Variants in ADCY2 observed in about 807,000 individuals in gnomAD.
ADCY2 encodes adenylate cyclase 2.
ADCY2 carries 31 observed loss-of-function variants against 125.2 expected under a neutral mutation model. That is an observed-to-expected ratio of 0.25 (90% CI 0.19 to 0.33). The LOEUF (loss-of-function observed/expected upper bound fraction) is 0.33. ADCY2 is among the 10% of genes least tolerant of loss of function. The pLI, the probability that ADCY2 is intolerant of heterozygous loss-of-function variation, is 1.00. For synonymous variants in ADCY2, 512 were observed against 548.4 expected (o/e 0.93, Z 0.93); for missense variants, 904 against 1,418.2 (o/e 0.64, Z 5.82).
chr5:7,499,483 A>G (rs1743468020), intron 2 of ADCY2, among the ~76,000 whole-genome samples: 1 of 151,950 alleles, frequency 6.6e-6, no homozygotes, highest in African/African-American at 2.4e-5. Flanking sequence ...ACACTTTAAT[A>G]AAAGGTTCAC....
chr5:7,426,526 C>T (rs759132020), intron 2 of ADCY2, among the ~76,000 whole-genome samples: 15 of 152,226 alleles, frequency 9.9e-5, no homozygotes, highest in South Asian at 2.1e-4. Context: ...TTTATGAGGG[C>T]GGAGTTGTCA....
At chr5:7,645,209 T>G (rs1738854109) in intron 4 of ADCY2, among the ~76,000 whole-genome samples, 3 of 152,180 alleles carry the variant, frequency 2.0e-5, no homozygotes, top group Admixed American at 6.5e-5. Flanking sequence ...CATGTGCTTA[T>G]TAAAGATATA....
intron 2 of ADCY2, among the ~76,000 whole-genome samples, chr5:7,518,463 C>G (rs543891335): frequency 3.2e-4 from 49 of 152,210 alleles, no homozygotes; most frequent in African/African-American, 1.1e-3. Context: ...TGGAATGGAA[C>G]AAGTGGAATG....
At chr5:7,811,511 AG>A (rs142488320) in intron 22 of ADCY2, among the ~76,000 whole-genome samples, 9,864 of 146,612 alleles carry the variant, frequency 0.067, 1,014 homozygotes, top group African/African-American at 0.25. Flanking sequence ...AAAAAAAAAA[AG>A]AAAAAAAATC....
intron 3 of ADCY2, among the ~76,000 whole-genome samples, chr5:7,552,073 TATA>T (rs1735362607): frequency 1.3e-5 from 2 of 152,328 alleles, no homozygotes; most frequent in South Asian, 4.1e-4. Flanking sequence ...ATGAGAATCC[TATA>T]ATATTTGGAG....
At position 7,626,286 on chromosome 5, in the gene ADCY2, G is replaced by C. The variant is rs200404909; in HGVS notation, c.690G>C (p.Arg230=). 3.1e-6 allele frequency: 5 copies of C among 1,613,880 alleles called. No homozygotes were observed. The Admixed American group carries it at 8.3e-5, about 27-fold the overall frequency. ...YQDTCNCIKS[R]IKLEFEKRQQ... ...ACACCTGTAATTGCATCAAGTCGCG[G>C]ATCAAGTTGGAATTTGAAAAACGTC... The change falls in exon 4 of 25, where the codon CGG becomes CGC. Residue 230 remains arginine, a synonymous_variant. Transcript: ENST00000338316.
chr5:7,601,169 C>T (rs1001591068), intron 3 of ADCY2, among the ~76,000 whole-genome samples: 3 of 152,304 alleles, frequency 2.0e-5, no homozygotes, highest in Non-Finnish European at 4.4e-5. Flanking sequence ...GCCACGTGGT[C>T]AAAGCCTTTG....
intron 15 of ADCY2, among the ~76,000 whole-genome samples, chr5:7,746,657 A>G (rs1048965172): frequency 1.3e-5 from 2 of 152,246 alleles, no homozygotes; most frequent in African/African-American, 2.4e-5. Flanking sequence ...TGAATTAAAT[A>G]CTGAGTTTAT....
chr5:7,630,989 C>T (rs2126663232), intron 4 of ADCY2, among the ~76,000 whole-genome samples: 1 of 152,136 alleles, frequency 6.6e-6, no homozygotes, highest in Non-Finnish European at 1.5e-5. Flanking sequence ...ATTTGTTTTG[C>T]CATGTTGCCC....
At chr5:7,689,546 A>G (rs996544106) in intron 4 of ADCY2, among the ~76,000 whole-genome samples, 7 of 152,194 alleles carry the variant, frequency 4.6e-5, no homozygotes, top group African/African-American at 1.7e-4. Context: ...GCGGGGAGAA[A>G]GGATCATCAG....
chr5:7,743,609 C>G, intron 14 of ADCY2, 59 bp from the exon 15 acceptor site: 1 of 1,502,376 alleles, frequency 6.7e-7, no homozygotes, highest in African/African-American at 1.4e-5. Context: ...TTACTGGTAG[C>G]TTTCCAGAAT....
chr5:7,633,624 G>A (rs1047653338), intron 4 of ADCY2, among the ~76,000 whole-genome samples: 1 of 152,100 alleles, frequency 6.6e-6, no homozygotes, highest in African/African-American at 2.4e-5. Flanking sequence ...CTCTGTGTAA[G>A]AAACTTGAGC....
intron 14 of ADCY2, among the ~76,000 whole-genome samples, chr5:7,741,498 T>TCAC (rs1487992630): frequency 7.6e-6 from 1 of 130,934 alleles, no homozygotes; most frequent in Non-Finnish European, 1.7e-5. Context: ...GGATGTAGCA[T>TCAC]CACCACCACC....
intron 19 of ADCY2, among the ~76,000 whole-genome samples, chr5:7,785,191 A>G (rs1744043663): frequency 6.6e-6 from 1 of 152,216 alleles, no homozygotes; most frequent in African/African-American, 2.4e-5. Flanking sequence ...TGCCAATTCC[A>G]TTAAATCTGC....
rs555013197 is a variant in ADCY2 at position 7,433,137 on chromosome 5, C to G, written c.408+18367C>G. Among the ~76,000 whole-genome samples, 6 of 152,258 alleles carry G rather than the reference C, an allele frequency of 3.9e-5. No homozygotes were observed. In the East Asian group the frequency reaches 1.2e-3, roughly 29 times the overall value. ...CCAAAAAACGTGTCCAGGCTGGAAA[C>G]CACTGCTTCTTCCTTCTTTCCATTC... On this transcript the variant is annotated intron_variant, in intron 2 of 24. Coordinates refer to ENST00000338316, the MANE Select transcript of ADCY2 (RefSeq NM_020546.3).
intron 3 of ADCY2, among the ~76,000 whole-genome samples, chr5:7,556,209 T>C (rs527837100): frequency 6.6e-6 from 1 of 152,334 alleles, no homozygotes; most frequent in Non-Finnish European, 1.5e-5. Context: ...TATAAATTTT[T>C]ACACATATTG....
At chr5:7,788,119 T>C (rs1579436499) in intron 19 of ADCY2, among the ~76,000 whole-genome samples, 1 of 152,178 alleles carries the variant, frequency 6.6e-6, no homozygotes, top group African/African-American at 2.4e-5. Context: ...TATCAGTCCA[T>C]GGTGTGGAAA....
At chr5:7,488,241 C>G (rs911124923) in intron 2 of ADCY2, among the ~76,000 whole-genome samples, 2 of 152,134 alleles carry the variant, frequency 1.3e-5, no homozygotes, top group African/African-American at 4.8e-5. Context: ...CCTGCACAAG[C>G]TCTCTTGCCG....
At chr5:7,474,744 C>T (rs1308588709) in intron 2 of ADCY2, among the ~76,000 whole-genome samples, 1 of 152,200 alleles carries the variant, frequency 6.6e-6, no homozygotes, top group African/African-American at 2.4e-5. Flanking sequence ...ACTGTAAGCA[C>T]ACTGGGAAGT....
Sources: gnomAD v4.1 joint callset for allele counts (sites outside exome capture counted in the v4.1 genomes callset) on GRCh38, gnomAD v4.1.1 for gene constraint, MANE v1.5 for transcripts, NCBI Gene and HGNC (gene_info 2026-07-23, HGNC 2026-07-21) for gene names.